NCK1: variants seen among roughly 807,000 people sequenced by gnomAD.
NCK1 encodes SH2/SH3 adapter protein NCK1.
Under a neutral mutation model 36.6 loss-of-function variants are expected in NCK1, and 19 were observed. The ratio of observed to expected loss-of-function variants is 0.52; its 90% CI spans 0.36 to 0.76. The LOEUF is 0.76. Among genes scored for constraint, NCK1 ranks in the 30% least tolerant of loss-of-function variants. The pLI, the probability that NCK1 is intolerant of heterozygous loss-of-function variation, is 0.00. For synonymous variants in NCK1, 165 were observed against 156.0 expected (o/e 1.06, Z -0.43); for missense variants, 358 against 445.6 (o/e 0.80, Z 1.77).
At chr3:136,947,961 G>A (rs1940871126) in intron 3 of NCK1, among the ~76,000 whole-genome samples, 1 of 152,106 alleles carries the variant, frequency 6.6e-6, no homozygotes, top group South Asian at 2.1e-4. Flanking sequence ...TGCTGTGGGT[G>A]TCTGCTGTTG....
chr3:136,912,804 G>A (rs180954621), intron 1 of NCK1, among the ~76,000 whole-genome samples: 32 of 151,988 alleles, frequency 2.1e-4, no homozygotes, highest in African/African-American at 6.8e-4. Flanking sequence ...TACTTGCGCT[G>A]CTGTGCTTGG....
chr3:136,903,455 G>C (rs1225397474), intron 1 of NCK1, among the ~76,000 whole-genome samples: 1 of 152,122 alleles, frequency 6.6e-6, no homozygotes, highest in Non-Finnish European at 1.5e-5. Flanking sequence ...ATGGAGTTTT[G>C]CTCTTGTTGC....
At chr3:136,877,456 A>G (rs146095656) in intron 1 of NCK1, among the ~76,000 whole-genome samples, 2 of 152,328 alleles carry the variant, frequency 1.3e-5, no homozygotes, top group African/African-American at 4.8e-5. Context: ...TATAACTTAA[A>G]GGATGTGTAT....
chr3:136,880,475 T>C (rs549670120), intron 1 of NCK1, among the ~76,000 whole-genome samples: 4 of 152,136 alleles, frequency 2.6e-5, no homozygotes, highest in Admixed American at 2.0e-4. Context: ...GGAGGGAGCC[T>C]AGAGCAGATT....
intron 1 of NCK1, among the ~76,000 whole-genome samples, chr3:136,904,738 G>C (rs559958930): frequency 6.6e-6 from 1 of 151,484 alleles, no homozygotes; most frequent in South Asian, 2.1e-4. Context: ...TATTGAACAG[G>C]TTTTCTAACA....
chr3:136,866,434 A>G (rs572257262), intron 1 of NCK1, among the ~76,000 whole-genome samples: 20 of 151,010 alleles, frequency 1.3e-4, no homozygotes, highest in African/African-American at 4.6e-4. Flanking sequence ...CAGCCTCCCT[A>G]GTAGCTGGGA....
intron 2 of NCK1, chr3:136,930,729 C>G (rs1380929090): frequency 1.5e-6 from 1 of 650,688 alleles, no homozygotes; most frequent in South Asian, 6.9e-5. Flanking sequence ...GTAATATAAA[C>G]CAAATGATTG....
At chr3:136,894,810 A>AT (rs549779555) in intron 1 of NCK1, among the ~76,000 whole-genome samples, 211 of 152,184 alleles carry the variant, frequency 1.4e-3, no homozygotes, top group African/African-American at 4.8e-3. Context: ...ATTTTGCTAG[A>AT]TTTTTTAAAT....
intron 1 of NCK1, among the ~76,000 whole-genome samples, chr3:136,872,440 A>C (rs1316026750): frequency 6.6e-6 from 1 of 152,212 alleles, no homozygotes; most frequent in African/African-American, 2.4e-5. Context: ...GGTGCTGTTA[A>C]AGGCATTCAG....
At chr3:136,874,363 A>T (rs1938707755) in intron 1 of NCK1, among the ~76,000 whole-genome samples, 1 of 152,088 alleles carries the variant, frequency 6.6e-6, no homozygotes, top group South Asian at 2.1e-4. Flanking sequence ...TTTAGTAGAG[A>T]TGGGGTTTCA....
intron 1 of NCK1, among the ~76,000 whole-genome samples, chr3:136,893,191 T>TTCGTTAATTGATGG (rs1560038430): frequency 2.6e-5 from 1 of 38,842 alleles, no homozygotes; most frequent in African/African-American, 8.7e-5. Context: ...TATATATATA[T>TTCGTTAATTGATGG]ACACACATGT....
chr3:136,940,840 G>A (rs890574885), intron 2 of NCK1, among the ~76,000 whole-genome samples: 4 of 151,928 alleles, frequency 2.6e-5, no homozygotes, highest in South Asian at 2.1e-4. Flanking sequence ...ACACCGCGCC[G>A]GGCCTATGCT....
intron 1 of NCK1, among the ~76,000 whole-genome samples, chr3:136,898,620 T>C (rs568677710): frequency 6.6e-6 from 1 of 152,300 alleles, no homozygotes; most frequent in South Asian, 2.1e-4. Flanking sequence ...ATACAAAACA[T>C]CTTTGCAATA....
At chr3:136,947,438 T>C (rs537827744) in intron 3 of NCK1, among the ~76,000 whole-genome samples, 2 of 152,278 alleles carry the variant, frequency 1.3e-5, no homozygotes, top group South Asian at 4.1e-4. Flanking sequence ...ATACCATTAT[T>C]TTTAGCAGTA....
chr3:136,865,992 A>G (rs183050462), intron 1 of NCK1, among the ~76,000 whole-genome samples: 1 of 152,258 alleles, frequency 6.6e-6, no homozygotes, highest in East Asian at 1.9e-4. Context: ...CTAGCCTTTA[A>G]TTGGGTTTTT....
At chr3:136,903,673 C>T (rs1195752106) in intron 1 of NCK1, among the ~76,000 whole-genome samples, 26 of 152,198 alleles carry the variant, frequency 1.7e-4, no homozygotes. Context: ...GATCCACCTG[C>T]CTCAGCCTCC....
chr3:136,920,263 T>C (rs1217887028), intron 1 of NCK1, among the ~76,000 whole-genome samples: 3 of 152,032 alleles, frequency 2.0e-5, no homozygotes, highest in East Asian at 1.9e-4. Context: ...TTTTAAAAAA[T>C]AGTGTAGGTC....
At chr3:136,939,275 A>C (rs945414708) in intron 2 of NCK1, among the ~76,000 whole-genome samples, 2 of 152,094 alleles carry the variant, frequency 1.3e-5, no homozygotes, top group African/African-American at 4.8e-5. Context: ...AGTTGTTCAT[A>C]GTATTTGTTT....
intron 1 of NCK1, among the ~76,000 whole-genome samples, chr3:136,885,425 T>C (rs1344475228): frequency 1.3e-5 from 2 of 152,180 alleles, no homozygotes; most frequent in African/African-American, 4.8e-5. Context: ...ACTCTTCAGC[T>C]CCTTACGTAG....
Sources: gnomAD v4.1 joint callset for allele counts (sites outside exome capture counted in the v4.1 genomes callset) on GRCh38, gnomAD v4.1.1 for gene constraint, MANE v1.5 for transcripts, NCBI Gene and HGNC (gene_info 2026-07-23, HGNC 2026-07-21) for gene names.